Variants in SH3PXD2A observed in about 807,000 individuals in gnomAD.
SH3PXD2A encodes the protein SH3 and PX domain-containing protein 2A.
A neutral mutation model predicts 115.2 loss-of-function variants in SH3PXD2A; 32 were observed. The observed-to-expected ratio is 0.28, with a 90% CI of 0.21 to 0.37. The LOEUF is 0.37. Among genes scored for constraint, SH3PXD2A ranks in the 10% least tolerant of loss-of-function variants. The pLI, the probability that SH3PXD2A is intolerant of heterozygous loss-of-function variation, is 1.00. For missense variants in SH3PXD2A, 1,328 were observed against 1,498.7 expected, an observed-to-expected ratio of 0.89 and a Z score of 1.88; for synonymous variants, 610 against 629.1, an observed-to-expected ratio of 0.97 and a Z score of 0.45.
At chr10:103,632,634 C>G (rs1352320234) in intron 8 of SH3PXD2A, among the ~76,000 whole-genome samples, 3 of 152,156 alleles carry the variant, frequency 2.0e-5, no homozygotes, top group African/African-American at 7.2e-5. Flanking sequence ...GTGCCCATAG[C>G]CAAGGTAGTG....
intron 1 of SH3PXD2A, among the ~76,000 whole-genome samples, chr10:103,839,761 G>C (rs1035986183): frequency 1.3e-5 from 2 of 152,236 alleles, no homozygotes; most frequent in African/African-American, 4.8e-5. Flanking sequence ...CCCTTACAGA[G>C]AAGGAAATTG....
At chr10:103,824,448 G>C (rs2134294669) in intron 1 of SH3PXD2A, among the ~76,000 whole-genome samples, 1 of 152,220 alleles carries the variant, frequency 6.6e-6, no homozygotes, top group East Asian at 1.9e-4. Flanking sequence ...CGGAGGGGAA[G>C]CCACACAGCA....
chr10:103,846,888 C>G (rs77615279), intron 1 of SH3PXD2A, among the ~76,000 whole-genome samples: 1 of 152,348 alleles, frequency 6.6e-6, no homozygotes, highest in South Asian at 2.1e-4. Context: ...TGCAGCTCAT[C>G]AGCTGCGTGG....
At position 103,661,041 on chromosome 10, in the gene SH3PXD2A, G is replaced by A. The variant is rs1427331252; in HGVS notation, c.546C>T (p.Asn182=). ...VVVSNYKKQE[N]SELSLQAGEV... ...CCCCGGCCTGGAGGCTCAGCTCCGAGTTCTCCTGCTTCTTATAGTTGGACA... is the reference window on the plus strand; with the variant it reads ...CCCCGGCCTGGAGGCTCAGCTCCGAATTCTCCTGCTTCTTATAGTTGGACA... Residue 182 remains asparagine (N), a synonymous_variant, in exon 8 of 15, where the codon AAC becomes AAT. Transcript: ENST00000369774. 2.5e-6 allele frequency: 4 copies of A among 1,614,128 alleles called. No homozygotes were observed. The highest frequency in any genetic ancestry group is 1.7e-6 in the Non-Finnish European group (2 of 1,179,986).
chr10:103,639,595 C>T (rs1354266772), intron 8 of SH3PXD2A, among the ~76,000 whole-genome samples: 33 of 130,504 alleles, frequency 2.5e-4, no homozygotes, highest in African/African-American at 7.7e-4. Context: ...GGCGACAGAG[C>T]GAGACTCCGT....
chr10:103,789,451 G>A (rs2039013157), intron 2 of SH3PXD2A, among the ~76,000 whole-genome samples: 1 of 152,152 alleles, frequency 6.6e-6, no homozygotes, highest in East Asian at 1.9e-4. Flanking sequence ...CTCCAGAGGT[G>A]CCAGGAGGCA....
In SH3PXD2A at chr10:103,597,353, C is replaced by T. The variant is rs933529771; in HGVS notation, c.*4463G>A. 6.6e-6 allele frequency: 1 copy of T among 152,250 alleles called. No homozygotes were observed. Among genetic ancestry groups the T allele is most frequent in the Non-Finnish European group, 1.5e-5 (1 of 68,046 alleles). The allele number at this position is 152,250 out of a possible 1,614,324, so 9.4% of individuals were successfully genotyped here. On this transcript the variant is annotated 3_prime_UTR_variant, in exon 15 of 15. Transcript: ENST00000369774. ...AGTTTTAGAAAGATTCAAACATACA[C>T]CAGAAGGATCACAGCCCAAATATCA...
Position 103,746,090 on chromosome 10 carries a change from T to G in SH3PXD2A, c.230-10282A>C, listed in dbSNP as rs995692180. The stretch of plus-strand genomic sequence containing the variant: ...GAAGAACGATCTCCCAAATTCTGGT[T>G]CGGAGGTTCCCATACCCAGTAAGCA... On this transcript the variant is annotated intron_variant, in intron 3 of 14. Coordinates refer to ENST00000369774, the MANE Select transcript of SH3PXD2A (RefSeq NM_001394015.1). The surrounding 1 kb of genome is among the most constrained non-coding windows in gnomAD (Gnocchi z 4.4). The G allele has an allele frequency of 1.3e-5, 2 of 152,226 alleles. No individual in the cohort carries two copies. Among genetic ancestry groups the G allele is most frequent in the Non-Finnish European group, 2.9e-5 (2 of 68,050 alleles). 9.4% of individuals were successfully genotyped at this position (152,226 alleles called of 1,614,324 possible). A position where few individuals can be genotyped will look rare whatever the true frequency, so the allele number is the denominator to read the frequency against.
chr10:103,840,664 C>T (rs778401015), intron 1 of SH3PXD2A, among the ~76,000 whole-genome samples: 1 of 152,226 alleles, frequency 6.6e-6, no homozygotes, highest in Non-Finnish European at 1.5e-5. Context: ...CCGGCTCTGC[C>T]CCTTCCTAGC....
chr10:103,855,407 C>T lies in SH3PXD2A; in HGVS notation c.-141G>A, dbSNP rs1842931767. ...CGCCGAACGCTGCCCGGACTCCCGG[C>T]GCCCACAGGTCCGGCCCAGGGACGG... On this transcript the variant is annotated 5_prime_UTR_variant, in exon 1 of 15. Coordinates refer to ENST00000369774, the MANE Select transcript of SH3PXD2A (RefSeq NM_001394015.1). 3.9e-6 allele frequency: 2 copies of T among 517,832 alleles called. No homozygotes were observed. Among genetic ancestry groups the T allele is most frequent in the Non-Finnish European group, 6.3e-6 (2 of 318,632 alleles). The allele number at this position is 517,832 out of a possible 1,614,324, so 32.1% of individuals were successfully genotyped here.
chr10:103,713,786 T>A (rs1244173127), intron 5 of SH3PXD2A, among the ~76,000 whole-genome samples: 1 of 152,218 alleles, frequency 6.6e-6, no homozygotes, highest in Non-Finnish European at 1.5e-5. Context: ...GGAGTTTAAA[T>A]AATTCCCAGG....
chr10:103,767,810 GTT>G (rs34903223), intron 2 of SH3PXD2A, among the ~76,000 whole-genome samples: 17 of 67,740 alleles, frequency 2.5e-4, no homozygotes, highest in Non-Finnish European at 3.8e-4. Flanking sequence ...CAACTGTTTT[GTT>G]TTTTTTTTTT....
intron 3 of SH3PXD2A, among the ~76,000 whole-genome samples, chr10:103,757,270 A>G (rs565365616): frequency 1.3e-5 from 2 of 152,282 alleles, no homozygotes; most frequent in East Asian, 3.9e-4. Context: ...GTGATCCCTG[A>G]TTGCTCAAAC....
chr10:103,795,958 A>G lies in SH3PXD2A; in HGVS notation c.153+5324T>C, dbSNP rs74528283. Among the ~76,000 whole-genome samples the G allele has an allele frequency of 8.5e-4, 115 of 135,282 alleles. 1 individual carries two copies. The highest frequency in any genetic ancestry group is 3.0e-3 in the African/African-American group (110 of 36,332). The allele number at this position is 135,282 out of a possible 152,430, so 88.8% of individuals were successfully genotyped here. ...AGGAAGGAAGGAAGGAAGGAAGGAAACCAGAGACATATTTTACCCTGATAA... is the reference window on the plus strand; with the variant it reads ...AGGAAGGAAGGAAGGAAGGAAGGAAGCCAGAGACATATTTTACCCTGATAA... On this transcript the variant is annotated intron_variant, in intron 2 of 14. Coordinates refer to ENST00000369774, the MANE Select transcript of SH3PXD2A (RefSeq NM_001394015.1).
At chr10:103,686,311 A>G (rs915473373) in intron 6 of SH3PXD2A, among the ~76,000 whole-genome samples, 4 of 152,240 alleles carry the variant, frequency 2.6e-5, no homozygotes, top group Admixed American at 2.6e-4. Flanking sequence ...CAACAGCCCC[A>G]GGGCCCTGAC....
At chr10:103,817,620 C>T (rs966445424) in intron 1 of SH3PXD2A, among the ~76,000 whole-genome samples, 4 of 152,062 alleles carry the variant, frequency 2.6e-5, no homozygotes, top group South Asian at 2.1e-4. Context: ...GGATTACAGG[C>T]GTGAGCCACC....
At chr10:103,674,689 G>A (rs1227504493) in intron 6 of SH3PXD2A, among the ~76,000 whole-genome samples, 1 of 152,060 alleles carries the variant, frequency 6.6e-6, no homozygotes, top group Non-Finnish European at 1.5e-5. Context: ...GCGTGGTGGT[G>A]TATGCCTGTA....
At chr10:103,801,142 C>T in intron 2 of SH3PXD2A, 140 bp downstream of exon 2, 1 of 615,898 alleles carries the variant, frequency 1.6e-6, no homozygotes, top group South Asian at 1.9e-5. Context: ...CACCTTCCAG[C>T]TTCCCTCCTC....
At chr10:103,844,542 G>A (rs1373589677) in intron 1 of SH3PXD2A, among the ~76,000 whole-genome samples, 2 of 152,178 alleles carry the variant, frequency 1.3e-5, no homozygotes, top group East Asian at 3.8e-4. Context: ...ACTTAGATGG[G>A]CAAAAGCAAC....
Sources: gnomAD v4.1 joint callset for allele counts (sites outside exome capture counted in the v4.1 genomes callset) on GRCh38, gnomAD v4.1.1 for gene constraint, Gnocchi (gnomAD v3.1) non-coding constraint, MANE v1.5 for transcripts, NCBI Gene and HGNC (gene_info 2026-07-23, HGNC 2026-07-21) for gene names.